The following BCAS3 variants were observed in gnomAD, a reference collection of about 807,000 sequenced individuals.
The protein encoded by BCAS3 is BCAS4/BCAS3 fusion.
In BCAS3, 53 loss-of-function variants were observed where a neutral mutation model predicts 116.1. The observed-to-expected ratio is 0.46, with a 90% CI of 0.37 to 0.57. The LOEUF (loss-of-function observed/expected upper bound fraction) is 0.57. BCAS3 is among the 20% of genes least tolerant of loss of function. BCAS3 has a pLI of 0.00. For synonymous variants in BCAS3, 391 were observed against 408.2 expected, an observed-to-expected ratio of 0.96 and a Z score of 0.51; for missense variants, 917 against 1,165.4, an observed-to-expected ratio of 0.79 and a Z score of 3.10.
intron 7 of BCAS3, among the ~76,000 whole-genome samples, chr17:60,829,892 C>G (rs1310234533): frequency 1.3e-5 from 2 of 152,116 alleles, no homozygotes; most frequent in East Asian, 3.8e-4. Context: ...ATTTGAAATT[C>G]TGGATGTGCT....
Position 61,316,801 on chromosome 17 carries a change from A to G in BCAS3, c.2426-51526A>G, listed in dbSNP as rs569671964. Among the ~76,000 whole-genome samples the G allele has an allele frequency of 2.9e-4, 44 of 152,364 alleles. No homozygotes were observed. The South Asian group carries it at 9.1e-3, about 32-fold the overall frequency. On this transcript the variant is annotated intron_variant, in intron 22 of 23. Transcript: ENST00000407086. The surrounding 1 kb of genome is among the most constrained non-coding windows in gnomAD (Gnocchi z 5.8). ...GTGCTGTGCTAGATTCCTCGGGGTC[A>G]TGTACAATAATTCCTGCCATGTAGG... is the stretch of plus-strand genomic sequence containing the variant.
chr17:60,865,634 A>G (rs1275043872), intron 7 of BCAS3, among the ~76,000 whole-genome samples: 2 of 152,228 alleles, frequency 1.3e-5, no homozygotes, highest in African/African-American at 4.8e-5. Context: ...GTAAAGTTCT[A>G]GTAGCTTTTT....
chr17:60,805,301 GATATC>G (rs2144611363), intron 6 of BCAS3, among the ~76,000 whole-genome samples: 1 of 152,008 alleles, frequency 6.6e-6, no homozygotes, highest in South Asian at 2.1e-4. Flanking sequence ...ACCCTTCCTA[GATATC>G]ATATCAGTTT....
Position 60,795,113 on chromosome 17 carries a change from G to A in BCAS3, c.404-12891G>A, listed in dbSNP as rs144329696. 9.3e-4 allele frequency among the ~76,000 whole-genome samples: 142 copies of A among 152,188 alleles called. 1 individual carries two copies. The highest frequency in any genetic ancestry group is 3.2e-3 in the African/African-American group (135 of 41,560). The stretch of plus-strand genomic sequence containing the variant: ...GCAGTGTTTTGTAGTTTTCCTTGTA[G>A]AGGTCTTTTGAGTCCTTGGTTATGT... On this transcript the variant is annotated intron_variant, in intron 6 of 23. Transcript: ENST00000407086.
intron 7 of BCAS3, among the ~76,000 whole-genome samples, chr17:60,865,087 TATGAG>T (rs1179220120): frequency 6.6e-6 from 1 of 152,122 alleles, no homozygotes; most frequent in African/African-American, 2.4e-5. Context: ...TTTGAAGTAT[TATGAG>T]AATTACCAAA....
At chr17:60,781,870 G>A (rs73990980) in intron 6 of BCAS3, among the ~76,000 whole-genome samples, 4,649 of 152,048 alleles carry the variant, frequency 0.031, 205 homozygotes, top group African/African-American at 0.1. Flanking sequence ...TTCTGCTGGA[G>A]ACTTACCAAG....
intron 17 of BCAS3, chr17:61,036,372 G>A (rs183625799): frequency 5.9e-5 from 9 of 152,222 alleles, no homozygotes; most frequent in Admixed American, 5.9e-4. Context: ...CTCACGCGCA[G>A]CAGGTTCCTT....
intron 22 of BCAS3, chr17:61,357,099 TA>T (rs946550348): frequency 3.3e-5 from 5 of 151,122 alleles, no homozygotes; most frequent in African/African-American, 1.2e-4. Flanking sequence ...TTTTTTTTCT[TA>T]AAAAACTGAT....
intron 5 of BCAS3, among the ~76,000 whole-genome samples, chr17:60,722,275 A>T (rs926933541): frequency 5.3e-5 from 8 of 152,214 alleles, no homozygotes; most frequent in Non-Finnish European, 1.2e-4. Context: ...GTGTCATAGG[A>T]TAAGTACATG....
chr17:61,357,113 C>T (rs1300376696), intron 22 of BCAS3: 2 of 149,964 alleles, frequency 1.3e-5, no homozygotes, highest in African/African-American at 4.9e-5. Context: ...AAACTGATTA[C>T]AGAAACTGTA....
chr17:61,337,819 A>G lies in BCAS3; in HGVS notation c.2426-30508A>G, dbSNP rs912057158. On this transcript the variant is annotated intron_variant, in intron 22 of 23. Coordinates refer to ENST00000407086, the MANE Select transcript of BCAS3 (RefSeq NM_017679.5). This position sits in a 1 kb window ranked among gnomAD's most constrained non-coding sequence, Gnocchi z 4.8. ...TAGAGACAGAGAAAGCCTCCTTGTT[A>G]TGGAGAATTTGTGGTGTGCCTGTGA... Among the ~76,000 whole-genome samples, 1 of 152,178 alleles carries G rather than the reference A, an allele frequency of 6.6e-6. No individual in the cohort carries two copies. Among genetic ancestry groups the G allele is most frequent in the African/African-American group, 2.4e-5 (1 of 41,432 alleles).
chr17:61,334,490 AC>A (rs1205877723), intron 22 of BCAS3, among the ~76,000 whole-genome samples: 1 of 152,038 alleles, frequency 6.6e-6, no homozygotes, highest in Non-Finnish European at 1.5e-5. Flanking sequence ...ACGTGGAGAA[AC>A]CTGGTCTCTA....
intron 22 of BCAS3, among the ~76,000 whole-genome samples, chr17:61,123,800 G>C (rs1417245055): frequency 6.6e-6 from 1 of 152,092 alleles, no homozygotes; most frequent in Non-Finnish European, 1.5e-5. Flanking sequence ...CATATTGGTT[G>C]ATTCTCATTG....
Position 60,700,705 on chromosome 17 carries a change from T to C in BCAS3, c.215-8514T>C, listed in dbSNP as rs1347351123. Among the ~76,000 whole-genome samples the C allele has an allele frequency of 6.6e-5, 10 of 152,198 alleles. 1 individual carries two copies. Among genetic ancestry groups the C allele is most frequent in the Non-Finnish European group, 1.5e-4 (10 of 68,028 alleles). ...TGAAGAAAAGTTAGAGGATTATCCC[T>C]GAAAGACCAAGGGAGAGTATTTTAA... On this transcript the variant is annotated intron_variant, in intron 4 of 23. Coordinates refer to ENST00000407086, the MANE Select transcript of BCAS3 (RefSeq NM_017679.5).
Position 60,994,644 on chromosome 17 carries a change from A to G in BCAS3, c.1486+4409A>G, listed in dbSNP as rs903234571. Among the ~76,000 whole-genome samples, 2 of 152,192 alleles carry G rather than the reference A, an allele frequency of 1.3e-5. No homozygotes were observed. Among genetic ancestry groups the G allele is most frequent in the African/African-American group, 4.8e-5 (2 of 41,434 alleles). Reference sequence around the variant, plus strand: ...CTATCTTATTTCCAGCTTCTTGTCTAACCATACCTAGATTTCTGTACCCTT... The same window carrying G: ...CTATCTTATTTCCAGCTTCTTGTCTGACCATACCTAGATTTCTGTACCCTT... On this transcript the variant is annotated intron_variant, in intron 15 of 23. Coordinates refer to ENST00000407086, the MANE Select transcript of BCAS3 (RefSeq NM_017679.5). The surrounding 1 kb of genome is among the most constrained non-coding windows in gnomAD (Gnocchi z 4.4).
intron 7 of BCAS3, among the ~76,000 whole-genome samples, chr17:60,809,593 A>G (rs1182800911): frequency 6.6e-6 from 1 of 152,168 alleles, no homozygotes; most frequent in Non-Finnish European, 1.5e-5. Context: ...ATTTTCGCTC[A>G]TCTCTGAGTG....
At chr17:60,714,076 A>T (rs562286645) in intron 5 of BCAS3, among the ~76,000 whole-genome samples, 1 of 152,186 alleles carries the variant, frequency 6.6e-6, no homozygotes, top group East Asian at 1.9e-4. Context: ...ACCTCAAGTG[A>T]TCTACCTGCC....
In BCAS3 at chr17:61,368,478, C is replaced by T. The variant is rs376682571; in HGVS notation, c.2577C>T (p.Val859=). Residue 859 remains valine (V), a synonymous_variant, in exon 23 of 24, where the codon GTC becomes GTT. Coordinates refer to ENST00000407086, the MANE Select transcript of BCAS3 (RefSeq NM_017679.5). The surrounding 1 kb of genome is among the most constrained non-coding windows in gnomAD (Gnocchi z 6.0). ...TGGCCGAGTCACCTAGCCGGGACGT[C>T]GTGGGATCCGGAACAGGTAAAGGTG... ...DAMAESPSRD[V]VGSGTELQRE... is the part of the protein sequence containing the mutation. The T allele has an allele frequency of 2.2e-5, 36 of 1,607,002 alleles. No homozygotes were observed. Among genetic ancestry groups the T allele is most frequent in the Admixed American group, 3.3e-5 (2 of 59,828 alleles).
chr17:61,184,963 A>T (rs1181218964), intron 22 of BCAS3, among the ~76,000 whole-genome samples: 3 of 152,048 alleles, frequency 2.0e-5, no homozygotes, highest in Non-Finnish European at 4.4e-5. Flanking sequence ...CTGAAGAGGG[A>T]TAAGGGGACT....
Sources: allele counts gnomAD v4.1 joint callset (sites outside exome capture counted in the v4.1 genomes callset), GRCh38; gene constraint gnomAD v4.1.1; non-coding constraint Gnocchi (gnomAD v3.1); transcripts MANE v1.5; gene names NCBI Gene and HGNC (gene_info 2026-07-23, HGNC 2026-07-21).